The following IPO7 variants were observed in gnomAD, a reference collection of about 807,000 sequenced individuals.
IPO7 encodes the protein importin 7.
IPO7 carries 13 observed loss-of-function variants against 136.4 expected under a neutral mutation model. The ratio of observed to expected loss-of-function variants is 0.10; its 90% confidence interval spans 0.06 to 0.15. The LOEUF is 0.15. Ranked by LOEUF, IPO7 falls within the 10% of genes least tolerant of loss-of-function variation. The pLI is 1.00. For missense variants in IPO7, 857 were observed against 1,240.6 expected (o/e 0.69, Z 4.65); for synonymous variants, 403 against 404.4 (o/e 1.00, Z 0.04).
chr11:9,414,619 CTTTTT>C (rs1164303193), intron 5 of IPO7: 30 of 71,358 alleles, frequency 4.2e-4, no homozygotes, highest in Middle Eastern at 9.8e-3. Context: ...CCTAATGAAT[CTTTTT>C]TTTTTTTTTT....
intron 8 of IPO7, among the ~76,000 whole-genome samples, chr11:9,422,179 T>C (rs11042345): frequency 0.12 from 17,711 of 152,022 alleles, 1,467 homozygotes; most frequent in East Asian, 0.42. Flanking sequence ...CTCGGGAGGC[T>C]GAGGCAGGAG....
Position 9,440,625 on chromosome 11 carries a change from G to A in IPO7, c.2866G>A (p.Val956Ile), listed in dbSNP as rs770269991. ...AATCATTGATGATGAAGATAACCCT[G>A]TTGATGAGTATCAGATATTTAAAGC... ...STIIDDEDNP[V>I]DEYQIFKAIF... The change falls in exon 23 of 25, where the codon GTT becomes ATT. Residue 956 changes from valine (V) to isoleucine (I), a missense_variant. Val to Ile is a conservative substitution (Grantham distance 29). Around this residue, in one of 11 missense-constraint regions of IPO7, gnomAD observed 119 missense variants for 155.5 expected, o/e 0.77. Coordinates refer to ENST00000379719, the MANE Select transcript of IPO7 (RefSeq NM_006391.3). The A allele has an allele frequency of 7.4e-6, 12 of 1,613,470 alleles. No homozygotes were observed. In the Admixed American group the frequency reaches 1.7e-4, roughly 22 times the overall value.
At chr11:9,423,727 T>G in intron 9 of IPO7, 50 bp from the exon 10 acceptor site, 2 of 1,220,284 alleles carry the variant, frequency 1.6e-6, no homozygotes, top group Non-Finnish European at 2.4e-6. Flanking sequence ...AATTTGAAGG[T>G]TTAAATTTGA....
chr11:9,421,638 A>T (rs1855131147), intron 8 of IPO7, among the ~76,000 whole-genome samples: 1 of 146,232 alleles, frequency 6.8e-6, no homozygotes, highest in African/African-American at 2.5e-5. Flanking sequence ...AAAAAAAAAA[A>T]ATTCTTAAGA....
intron 6 of IPO7, chr11:9,420,188 C>T: frequency 2.2e-6 from 1 of 455,530 alleles, no homozygotes; most frequent in Non-Finnish European, 3.9e-6. Context: ...GTTGTGGCGG[C>T]CACCTGTAGT....
Position 9,438,077 on chromosome 11 carries a change from T to TTTA in IPO7, c.2490-3_2490-2insTTA. The TTTA allele has an allele frequency of 2.1e-5, 25 of 1,201,280 alleles. No homozygotes were observed. The highest frequency in any genetic ancestry group is 2.7e-5 in the Non-Finnish European group (23 of 866,670). The allele number at this position is 1,201,280 out of a possible 1,614,324, so 74.4% of individuals were successfully genotyped here. A position where few individuals can be genotyped will look rare whatever the true frequency, so the allele number is the denominator to read the frequency against. On this transcript the variant is annotated splice_region_variant and splice_polypyrimidine_tract_variant and intron_variant, in intron 21 of 24. Transcript: ENST00000379719. The stretch of plus-strand genomic sequence containing the variant: ...TTTTTTTTTTTTTTTTTTTTTTTTT[T>TTTA]AGGCTTCATGACAGAAAGATGTGTG...
intron 2 of IPO7, among the ~76,000 whole-genome samples, chr11:9,405,564 A>G (rs1276002283): frequency 1.3e-5 from 2 of 152,152 alleles, no homozygotes; most frequent in African/African-American, 2.4e-5. Context: ...CTGGGACTGT[A>G]GGCACGTACC....
At position 9,420,729 on chromosome 11, in the gene IPO7, A is replaced by C. The variant is rs112313763; in HGVS notation, c.906+31A>C. 1.1e-5 allele frequency: 16 copies of C among 1,398,508 alleles called. No individual in the cohort carries two copies. In the East Asian group the frequency reaches 3.7e-4, roughly 32 times the overall value. 86.6% of individuals were successfully genotyped at this position (1,398,508 alleles called of 1,614,324 possible). On this transcript the variant is annotated intron_variant, in intron 8 of 24. Coordinates refer to ENST00000379719, the MANE Select transcript of IPO7 (RefSeq NM_006391.3). ...TCTGTTTTTAGTTTTTCTCAGTGGA[A>C]ACATGGCATCTTTAAGTTAATTTAT...
At chr11:9,436,238 G>A (rs750991353) in intron 19 of IPO7, 33 bp from the exon 20 acceptor site, 2 of 1,451,758 alleles carry the variant, frequency 1.4e-6, no homozygotes, top group Admixed American at 1.7e-5. Context: ...AAAGGATAAA[G>A]CCTTACTGCA....
Position 9,396,554 on chromosome 11 carries a change from A to G in IPO7, c.85-6736A>G, listed in dbSNP as rs572457505. 4.8e-4 allele frequency among the ~76,000 whole-genome samples: 73 copies of G among 152,148 alleles called. 1 individual carries two copies. Among genetic ancestry groups the G allele is most frequent in the African/African-American group, 1.6e-3 (66 of 41,440 alleles). On this transcript the variant is annotated intron_variant, in intron 1 of 24. Coordinates refer to ENST00000379719, the MANE Select transcript of IPO7 (RefSeq NM_006391.3). ...TTCCATCACCCCACAAAGAAAATTC[A>G]TATCTTACCAGTCACTCCGCATTCC... is the stretch of plus-strand genomic sequence containing the variant.
intron 6 of IPO7, 57 bp from the exon 7 acceptor site, chr11:9,420,354 C>A: frequency 8.8e-7 from 1 of 1,130,098 alleles, no homozygotes; most frequent in South Asian, 1.3e-5. Context: ...ATTCTCATCT[C>A]ATGCTGTTCC....
At chr11:9,410,487 C>G (rs1043354147) in intron 4 of IPO7, among the ~76,000 whole-genome samples, 9 of 152,000 alleles carry the variant, frequency 5.9e-5, no homozygotes, top group Non-Finnish European at 1.3e-4. Flanking sequence ...TTAATTTAGG[C>G]TCTTGATTAA....
rs1484654514 is a variant in IPO7, at chr11:9,424,586, A to G, written c.1142-328A>G. On this transcript the variant is annotated intron_variant, in intron 10 of 24. Transcript: ENST00000379719. ...TAGTGAAACCCCATCTCTACTAAAA[A>G]TACAAAAATTAGCCGGGCGTGGTGG... is the stretch of plus-strand genomic sequence containing the variant. 1.4e-4 allele frequency among the ~76,000 whole-genome samples: 21 copies of G among 152,280 alleles called. No homozygotes were observed. In the East Asian group the frequency reaches 3.9e-3, roughly 28 times the overall value.
chr11:9,430,870 T>C lies in IPO7; in HGVS notation c.1753-5T>C. 1 of 1,611,152 alleles carries C rather than the reference T, an allele frequency of 6.2e-7. No individual in the cohort carries two copies. Among genetic ancestry groups the C allele is most frequent in the East Asian group, 2.2e-5 (1 of 44,834 alleles). ...CAAACTTGAGTTATATTCTCTTGAA[T>C]CTAGGCAATGACATTTAACCAAGTA... is the stretch of plus-strand genomic sequence containing the variant. On this transcript the variant is annotated splice_region_variant and splice_polypyrimidine_tract_variant and intron_variant, in intron 15 of 24. Transcript: ENST00000379719.
At chr11:9,432,278 C>T (rs953214848) in intron 16 of IPO7, among the ~76,000 whole-genome samples, 8 of 151,664 alleles carry the variant, frequency 5.3e-5, no homozygotes, top group East Asian at 2.0e-4. Flanking sequence ...CTTGGCTCAC[C>T]GCAACCTCTG....
chr11:9,431,287 T>C (rs1051754949), intron 16 of IPO7, among the ~76,000 whole-genome samples: 1 of 152,148 alleles, frequency 6.6e-6, no homozygotes, highest in African/African-American at 2.4e-5. Flanking sequence ...CTTAGTTTTC[T>C]TTTTCTTTGA....
chr11:9,416,436 T>C (rs1855043444), intron 5 of IPO7, among the ~76,000 whole-genome samples: 1 of 152,232 alleles, frequency 6.6e-6, no homozygotes, highest in Admixed American at 6.5e-5. Flanking sequence ...ATAGGTCTTT[T>C]TGAAAACTAT....
At chr11:9,416,898 T>A (rs966068833) in intron 5 of IPO7, among the ~76,000 whole-genome samples, 161 bp from the exon 6 acceptor site, 8 of 152,230 alleles carry the variant, frequency 5.3e-5, no homozygotes, top group African/African-American at 1.9e-4. Flanking sequence ...GCCCACTCAC[T>A]GTTTACCATT....
intron 16 of IPO7, chr11:9,433,278 G>A (rs751601967): frequency 4.3e-5 from 14 of 323,434 alleles, no homozygotes; most frequent in East Asian, 6.7e-5. Flanking sequence ...GAGCCACCGC[G>A]CCCGGCCAAC....
Sources: gnomAD v4.1 joint callset for allele counts (sites outside exome capture counted in the v4.1 genomes callset) on GRCh38, gnomAD v4.1.1 for gene constraint, gnomAD v4.1.1 regional missense constraint, MANE v1.5 for transcripts, NCBI Gene and HGNC (gene_info 2026-07-23, HGNC 2026-07-21) for gene names.